The following CCNT1 variants were observed in gnomAD, a reference collection of about 807,000 sequenced individuals.
The protein encoded by CCNT1 is cyclin-T1.
Under a neutral mutation model 67.3 loss-of-function variants are expected in CCNT1, and 18 were observed. That is an observed-to-expected ratio of 0.27 (90% CI 0.18 to 0.40). The LOEUF (loss-of-function observed/expected upper bound fraction) is 0.40, where lower values mean the gene tolerates loss of function less well. Ranked by LOEUF, CCNT1 falls within the 10% of genes least tolerant of loss-of-function variation. The pLI is 1.00. For synonymous variants in CCNT1, 333 were observed against 310.3 expected, an observed-to-expected ratio of 1.07 and a Z score of -0.77; for missense variants, 744 against 884.9, an observed-to-expected ratio of 0.84 and a Z score of 2.02.
chr12:48,715,931 A>C (rs953645557), intron 1 of CCNT1, among the ~76,000 whole-genome samples: 2 of 152,224 alleles, frequency 1.3e-5, no homozygotes, highest in Non-Finnish European at 2.9e-5. Flanking sequence ...TGAGCATCTG[A>C]ATGCAAAGCA....
intron 3 of CCNT1, among the ~76,000 whole-genome samples, chr12:48,705,212 A>C (rs1940335855): frequency 6.6e-6 from 1 of 152,150 alleles, no homozygotes; most frequent in Admixed American, 6.5e-5. Flanking sequence ...CCCATGCTCA[A>C]GCAACCCTCC....
In CCNT1 at chr12:48,714,587, T is replaced by A; in HGVS notation, c.162-63A>T. The A allele has an allele frequency of 1.2e-5, 12 of 965,184 alleles. 2 individuals carry two copies. In the South Asian group the frequency reaches 1.5e-4, roughly 12 times the overall value. The allele number at this position is 965,184 out of a possible 1,614,324, so 59.8% of individuals were successfully genotyped here. ...ATAATTCTGGAAAAGATAACCTCTA[T>A]CTCCCTCCCAAAAGGATGAAATGGC... On this transcript the variant is annotated intron_variant, in intron 1 of 8. Transcript: ENST00000261900.
In CCNT1 at chr12:48,690,387, A is replaced by C. The variant is rs1296232846; in HGVS notation, c.*2646T>G. On this transcript the variant is annotated 3_prime_UTR_variant, in exon 9 of 9. Coordinates refer to ENST00000261900, the MANE Select transcript of CCNT1 (RefSeq NM_001240.4). Reference sequence around the variant, plus strand: ...ACCCTTTGAAGGTACAAGGATAGGAAAGACACATAGAGCTCAGAAACCACA... The same window carrying C: ...ACCCTTTGAAGGTACAAGGATAGGACAGACACATAGAGCTCAGAAACCACA... 2 of 152,372 alleles carry C rather than the reference A, an allele frequency of 1.3e-5. No individual in the cohort carries two copies. Among genetic ancestry groups the C allele is most frequent in the Non-Finnish European group, 2.9e-5 (2 of 68,176 alleles). 9.4% of individuals were successfully genotyped at this position (152,372 alleles called of 1,614,324 possible). A position where few individuals can be genotyped will look rare whatever the true frequency, so the allele number is the denominator to read the frequency against.
chr12:48,698,442 T>C lies in CCNT1; in HGVS notation c.497-259A>G, dbSNP rs564742592. ...AGCTTTATTCTGCACACCACATATCTGAGGTACTTGTTTAAATGCAATTCT... is the reference window on the plus strand; with the variant it reads ...AGCTTTATTCTGCACACCACATATCCGAGGTACTTGTTTAAATGCAATTCT... On this transcript the variant is annotated intron_variant, in intron 5 of 8. Coordinates refer to ENST00000261900, the MANE Select transcript of CCNT1 (RefSeq NM_001240.4). Among the ~76,000 whole-genome samples the C allele has an allele frequency of 4.0e-5, 6 of 151,776 alleles. No individual in the cohort carries two copies. The South Asian group carries it at 1.2e-3, about 31-fold the overall frequency.
At position 48,693,203 on chromosome 12, in the gene CCNT1, G is replaced by A. The variant is rs1054933462; in HGVS notation, c.2011C>T (p.Gln671Ter). Residue 671 changes from glutamine (Q) to a stop codon, truncating the protein, a stop_gained, in exon 9 of 9, where the codon CAG becomes TAG. Transcript: ENST00000261900. LOFTEE classifies it high-confidence loss of function. ...GTGGGCTGAGTGGGCTGAACACCCT[G>A]GGCACTGAGCAGGGAGTGAAGCATA... is the stretch of plus-strand genomic sequence containing the variant. ...VNMLHSLLSAQGVQPTQPTAF... is the reference protein window; with the variant it reads ...VNMLHSLLSA 6.2e-7 allele frequency: 1 copy of A among 1,614,036 alleles called. No homozygotes were observed. The highest frequency in any genetic ancestry group is 8.5e-7 in the Non-Finnish European group (1 of 1,180,024).
intron 3 of CCNT1, 40 bp downstream of exon 3, chr12:48,705,728 A>G: frequency 6.4e-7 from 1 of 1,561,904 alleles, no homozygotes; most frequent in Non-Finnish European, 8.7e-7. Flanking sequence ...AAAAGAAAGG[A>G]AAAAAATTAA....
At chr12:48,716,450 G>A in intron 1 of CCNT1, 65 bp downstream of exon 1, 2 of 1,471,760 alleles carry the variant, frequency 1.4e-6, no homozygotes, top group Non-Finnish European at 1.8e-6. Context: ...CACAGAGCCT[G>A]AGACCCGGAC....
intron 8 of CCNT1, 126 bp from the exon 9 acceptor site, chr12:48,694,562 T>C (rs1565615871): frequency 5.5e-6 from 4 of 724,128 alleles, no homozygotes; most frequent in Non-Finnish European, 9.1e-6. Flanking sequence ...GAGGCTATCC[T>C]AACATGTAAT....
chr12:48,712,553 C>G (rs548763202), intron 2 of CCNT1, among the ~76,000 whole-genome samples: 5 of 123,892 alleles, frequency 4.0e-5, no homozygotes, highest in African/African-American at 1.6e-4. Context: ...CTTAAGCCAC[C>G]GTGCCCAGCA....
chr12:48,706,067 T>C (rs7297499), intron 2 of CCNT1, among the ~76,000 whole-genome samples, 171 bp from the exon 3 acceptor site: 5,562 of 150,998 alleles, frequency 0.037, 157 homozygotes, highest in African/African-American at 0.075. Flanking sequence ...CTCCTACCCA[T>C]TAATCCATCT....
intron 1 of CCNT1, 74 bp downstream of exon 1, chr12:48,716,441 A>C (rs112725427): frequency 2.8e-6 from 4 of 1,406,286 alleles, no homozygotes; most frequent in Admixed American, 2.2e-5. Context: ...CGTCCCCCCC[A>C]CAGAGCCTGA....
chr12:48,696,584 A>G (rs111504690), intron 6 of CCNT1, among the ~76,000 whole-genome samples: 1 of 152,180 alleles, frequency 6.6e-6, no homozygotes, highest in African/African-American at 2.4e-5. Flanking sequence ...GGTCTGTGTA[A>G]TCCGTAAATC....
At position 48,704,846 on chromosome 12, in the gene CCNT1, C is replaced by T. The variant is rs140201213; in HGVS notation, c.372+922G>A. ...ATGCTCAGGGCTCCCACTGATTCTA[C>T]GTTATGGTGAGTTACGTAATTATTT... is the stretch of plus-strand genomic sequence containing the variant. On this transcript the variant is annotated intron_variant, in intron 3 of 8. Coordinates refer to ENST00000261900, the MANE Select transcript of CCNT1 (RefSeq NM_001240.4). 3.7e-3 allele frequency among the ~76,000 whole-genome samples: 564 copies of T among 152,142 alleles called. 8 individuals carry two copies. The highest frequency in any genetic ancestry group is 0.013 in the African/African-American group (529 of 41,498).
At position 48,689,557 on chromosome 12, in the gene CCNT1, C is replaced by T. The variant is rs140634346; in HGVS notation, c.*3476G>A. On this transcript the variant is annotated 3_prime_UTR_variant, in exon 9 of 9. Transcript: ENST00000261900. ...CTATTTCTCACCATTTGATGAGTTG[C>T]ATAGACTGCTTAAATTCTCCCAAGA... 1 of 152,294 alleles carries T rather than the reference C, an allele frequency of 6.6e-6. No homozygotes were observed. The highest frequency in any genetic ancestry group is 2.4e-5 in the African/African-American group (1 of 41,560). The allele number at this position is 152,294 out of a possible 1,614,324, so 9.4% of individuals were successfully genotyped here.
At chr12:48,695,708 C>T in intron 8 of CCNT1, 51 bp downstream of exon 8, 2 of 1,213,406 alleles carry the variant, frequency 1.6e-6, no homozygotes, top group Non-Finnish European at 2.4e-6. Context: ...TTCACTGGTG[C>T]AGTCAAAAGA....
At chr12:48,699,699 T>A in intron 5 of CCNT1, 79 bp downstream of exon 5, 1 of 949,254 alleles carries the variant, frequency 1.1e-6, no homozygotes, top group South Asian at 1.4e-5. Flanking sequence ...GCAGAACTAT[T>A]ATGTATTGTC....
At chr12:48,706,049 C>T (rs1449860678) in intron 2 of CCNT1, among the ~76,000 whole-genome samples, 153 bp from the exon 3 acceptor site, 1 of 151,736 alleles carries the variant, frequency 6.6e-6, no homozygotes, top group African/African-American at 2.4e-5. Context: ...CTTCTACCAT[C>T]TTCCCCTCTC....
In CCNT1 at chr12:48,696,100, T is replaced by C. The variant is rs1379404126; in HGVS notation, c.605A>G (p.His202Arg). 6.2e-7 allele frequency: 1 copy of C among 1,613,832 alleles called. No homozygotes were observed. Among genetic ancestry groups the C allele is most frequent in the Non-Finnish European group, 8.5e-7 (1 of 1,179,890 alleles). Residue 202 changes from histidine (H) to arginine (R), a missense_variant, in exon 7 of 9, where the codon CAC becomes CGC. His to Arg is a conservative substitution (Grantham distance 29, BLOSUM62 0). Transcript: ENST00000261900. ...TPPVVACVCI[H>R]LACKWSNWEI... ...CCAATTGGACCACTTGCAAGCCAGGTGAATGCAGACACAGGCCACCACAGG... is the reference window on the plus strand; with the variant it reads ...CCAATTGGACCACTTGCAAGCCAGGCGAATGCAGACACAGGCCACCACAGG...
At chr12:48,710,958 G>A (rs181587006) in intron 2 of CCNT1, among the ~76,000 whole-genome samples, 111 of 152,242 alleles carry the variant, frequency 7.3e-4, no homozygotes, top group Non-Finnish European at 1.4e-3. Flanking sequence ...CTACTCGGGA[G>A]GCTGAGACAG....
Sources: gnomAD v4.1 joint callset for allele counts (sites outside exome capture counted in the v4.1 genomes callset) on GRCh38, gnomAD v4.1.1 for gene constraint, MANE v1.5 for transcripts, NCBI Gene and HGNC (gene_info 2026-07-23, HGNC 2026-07-21) for gene names.